TLE1: variants seen among roughly 807,000 people sequenced by gnomAD.
TLE1 encodes the protein TLE family member 1, transcriptional corepressor.
A neutral mutation model predicts 89.8 loss-of-function variants in TLE1; 21 were observed. The ratio of observed to expected loss-of-function variants is 0.23; its 90% confidence interval spans 0.17 to 0.34. TLE1 has a LOEUF of 0.34. TLE1 is among the 10% of genes least tolerant of loss of function. The pLI is 1.00. For missense variants in TLE1, 795 were observed against 1,031.2 expected (o/e 0.77, Z 3.14); for synonymous variants, 447 against 407.6 (o/e 1.10, Z -1.16).
chr9:81,585,748 G>A lies in TLE1; in HGVS notation c.1978-93C>T, dbSNP rs1162222420. The stretch of plus-strand genomic sequence containing the variant: ...GAAAAGTGGGGAAATAGCAAGAATG[G>A]GGGGAAGTAATCAGCCAAGTCCAGA... On this transcript the variant is annotated intron_variant, in intron 17 of 19. Coordinates refer to ENST00000376499, the MANE Select transcript of TLE1 (RefSeq NM_005077.5). The A allele has an allele frequency of 2.0e-5, 30 of 1,484,490 alleles. No homozygotes were observed. The East Asian group carries it at 7.2e-4, about 36-fold the overall frequency. The allele number at this position is 1,484,490 out of a possible 1,614,324, so 92.0% of individuals were successfully genotyped here.
At chr9:81,661,028 C>G (rs1830721468) in intron 4 of TLE1, among the ~76,000 whole-genome samples, 1 of 149,748 alleles carries the variant, frequency 6.7e-6, no homozygotes, top group African/African-American at 2.5e-5. Context: ...TACTCAGAAG[C>G]CTGAGGCAGA....
chr9:81,594,070 C>T (rs1396061622), intron 14 of TLE1, among the ~76,000 whole-genome samples: 1 of 152,076 alleles, frequency 6.6e-6, no homozygotes, highest in African/African-American at 2.4e-5. Flanking sequence ...GATATGGGAA[C>T]TCTCTGTAAC....
At chr9:81,585,143 C>G (rs775939503) in intron 18 of TLE1, among the ~76,000 whole-genome samples, 1 of 152,126 alleles carries the variant, frequency 6.6e-6, no homozygotes, top group East Asian at 1.9e-4. Flanking sequence ...TTCTCTAACC[C>G]TGGATTCCTC....
At chr9:81,621,413 G>C (rs1163085229) in intron 8 of TLE1, among the ~76,000 whole-genome samples, 1 of 152,184 alleles carries the variant, frequency 6.6e-6, no homozygotes, top group Non-Finnish European at 1.5e-5. Flanking sequence ...GCATATGCAA[G>C]GGGGCAATTT....
chr9:81,623,526 C>A (rs1825538453), intron 8 of TLE1, among the ~76,000 whole-genome samples: 1 of 150,798 alleles, frequency 6.6e-6, no homozygotes, highest in Non-Finnish European at 1.5e-5. Flanking sequence ...TGCCTGTAAT[C>A]CCAGCACTTA....
chr9:81,638,622 T>G (rs1254977953), intron 6 of TLE1, among the ~76,000 whole-genome samples: 1 of 151,986 alleles, frequency 6.6e-6, no homozygotes, highest in East Asian at 1.9e-4. Context: ...TCAGGAGAAT[T>G]TATGCACACT....
At chr9:81,602,661 A>T (rs1421243130) in intron 14 of TLE1, among the ~76,000 whole-genome samples, 1 of 152,208 alleles carries the variant, frequency 6.6e-6, no homozygotes, top group African/African-American at 2.4e-5. Flanking sequence ...TAAGATGCTC[A>T]ATCTGTATTC....
intron 13 of TLE1, among the ~76,000 whole-genome samples, chr9:81,611,006 C>T (rs1011877228): frequency 2.6e-5 from 4 of 152,048 alleles, no homozygotes; most frequent in African/African-American, 4.8e-5. Flanking sequence ...TTAATGTCAC[C>T]GCAAACTAGT....
At chr9:81,599,060 C>CT (rs1830571700) in intron 14 of TLE1, among the ~76,000 whole-genome samples, 1 of 152,174 alleles carries the variant, frequency 6.6e-6, no homozygotes, top group African/African-American at 2.4e-5. Context: ...TGTGCCCTGA[C>CT]AAAACTTAGC....
chr9:81,678,538 G>A (rs2506125), intron 4 of TLE1, among the ~76,000 whole-genome samples: 55,162 of 152,064 alleles, frequency 0.36, 10,993 homozygotes, highest in East Asian at 0.61. Context: ...TAGGGGCTGG[G>A]AGCAGTGGCT....
chr9:81,646,212 C>T (rs1021235069), intron 6 of TLE1, among the ~76,000 whole-genome samples: 7 of 152,206 alleles, frequency 4.6e-5, no homozygotes, highest in African/African-American at 1.7e-4. Context: ...AGCATGATGA[C>T]AATAATCCGG....
intron 11 of TLE1, among the ~76,000 whole-genome samples, chr9:81,614,991 TC>T (rs1824234547): frequency 6.9e-6 from 1 of 144,180 alleles, no homozygotes; most frequent in South Asian, 2.2e-4. Flanking sequence ...GGTCAGGAGT[TC>T]AAGACCAGCA....
chr9:81,612,469 G>A (rs767121039), intron 12 of TLE1: 9 of 673,504 alleles, frequency 1.3e-5, no homozygotes, highest in Non-Finnish European at 1.5e-5. Flanking sequence ...CCAGGTTGTT[G>A]CTTTTTTCCT....
chr9:81,673,495 G>C (rs1832509911), intron 4 of TLE1, among the ~76,000 whole-genome samples: 1 of 152,058 alleles, frequency 6.6e-6, no homozygotes, highest in South Asian at 2.1e-4. Context: ...AGTTTTAAAG[G>C]GACTGCTATT....
intron 4 of TLE1, among the ~76,000 whole-genome samples, chr9:81,684,348 A>G (rs1472586206): frequency 6.6e-6 from 1 of 151,950 alleles, no homozygotes; most frequent in Non-Finnish European, 1.5e-5. Context: ...AACTTTGTAA[A>G]TCATAGTAAA....
At chr9:81,617,221 AAAAGT>A (rs1824653530) in intron 9 of TLE1, among the ~76,000 whole-genome samples, 1 of 152,218 alleles carries the variant, frequency 6.6e-6, no homozygotes, top group Non-Finnish European at 1.5e-5. Flanking sequence ...TAAGTAACAA[AAAAGT>A]AAATTAAAAA....
chr9:81,613,425 G>A lies in TLE1; in HGVS notation c.1015C>T (p.Pro339Ser). The change falls in exon 12 of 20, where the codon CCA (proline) becomes TCA (serine). Residue 339 changes from proline to serine, a missense_variant. Physicochemically the swap from Pro to Ser is moderately conservative, Grantham distance 74 (BLOSUM62 -1). This residue lies in a region of TLE1 where 468 missense variants were observed against 509.1 expected (regional missense o/e 0.92). Transcript: ENST00000376499. ...ATGGCTGGAGGCTTGCCGAGACCTG[G>A]ACGGAGGCCTGGAGTGGCGCTGGTG... ...PGTSATPGLR[P>S]GLGKPPAIDP... 3.1e-6 allele frequency: 5 copies of A among 1,614,128 alleles called. No homozygotes were observed. Among genetic ancestry groups the A allele is most frequent in the Non-Finnish European group, 4.2e-6 (5 of 1,179,990 alleles).
At chr9:81,602,420 G>A (rs1318951466) in intron 14 of TLE1, among the ~76,000 whole-genome samples, 1 of 152,030 alleles carries the variant, frequency 6.6e-6, no homozygotes, top group Non-Finnish European at 1.5e-5. Context: ...AGTCATCTTG[G>A]GGATGGGACC....
intron 17 of TLE1, 33 bp from the exon 18 acceptor site, chr9:81,585,688 C>G (rs376892081): frequency 6.2e-7 from 1 of 1,606,660 alleles, no homozygotes; most frequent in Non-Finnish European, 8.5e-7. Flanking sequence ...ACTCATTATT[C>G]CGCCTGATAC....
Sources: gnomAD v4.1 joint callset for allele counts (sites outside exome capture counted in the v4.1 genomes callset) on GRCh38, gnomAD v4.1.1 for gene constraint, gnomAD v4.1.1 regional missense constraint, MANE v1.5 for transcripts, NCBI Gene and HGNC (gene_info 2026-07-23, HGNC 2026-07-21) for gene names.